The following HYKK variants were observed in gnomAD, a reference collection of about 807,000 sequenced individuals.
The protein encoded by HYKK is 5-hydroxy-L-lysine kinase.
Under a neutral mutation model 29.7 loss-of-function variants are expected in HYKK, and 19 were observed. That is an observed-to-expected ratio of 0.64 (90% CI 0.45 to 0.94). The LOEUF (loss-of-function observed/expected upper bound fraction) is 0.94. HYKK is among the 40% of genes least tolerant of loss of function. The pLI is 0.00. For missense variants in HYKK, 390 were observed against 443.4 expected (o/e 0.88, Z 1.08); for synonymous variants, 152 against 158.1 (o/e 0.96, Z 0.29).
intron 4 of HYKK, among the ~76,000 whole-genome samples, chr15:78,529,847 A>AT (rs35773115): frequency 0.32 from 47,621 of 150,444 alleles, 8,484 homozygotes; most frequent in Non-Finnish European, 0.42. Flanking sequence ...ATAATTCTAA[A>AT]TTTTTTTTTT....
intron 3 of HYKK, among the ~76,000 whole-genome samples, chr15:78,524,356 C>T (rs1480286331): frequency 2.6e-5 from 4 of 152,238 alleles, no homozygotes; most frequent in Non-Finnish European, 4.4e-5. Flanking sequence ...TACCATACCC[C>T]TTTGATCCAT....
chr15:78,511,333 A>T (rs1190204773), intron 1 of HYKK, among the ~76,000 whole-genome samples: 1 of 152,156 alleles, frequency 6.6e-6, no homozygotes. Flanking sequence ...ATGTAGCTGG[A>T]TGCTCAGAAA....
At chr15:78,532,799 T>G (rs1946993637) in intron 4 of HYKK, among the ~76,000 whole-genome samples, 1 of 152,054 alleles carries the variant, frequency 6.6e-6, no homozygotes, top group Non-Finnish European at 1.5e-5. Flanking sequence ...TCTCAAAGAA[T>G]AAAAATTTAA....
Position 78,535,406 on chromosome 15 carries a change from G to A in HYKK, c.*1736G>A, listed in dbSNP as rs1405174483. On this transcript the variant is annotated 3_prime_UTR_variant, in exon 5 of 5. Coordinates refer to ENST00000388988, the MANE Select transcript of HYKK (RefSeq NM_001013619.4). The stretch of plus-strand genomic sequence containing the variant: ...CCCTAGTAGCTGGGACTTCAGGCAT[G>A]TGCCACCATGTCTGGCTAATTCTTT... 2 of 150,964 alleles carry A rather than the reference G, an allele frequency of 1.3e-5. No individual in the cohort carries two copies. The highest frequency in any genetic ancestry group is 2.4e-5 in the African/African-American group (1 of 41,044). 9.4% of individuals were successfully genotyped at this position (150,964 alleles called of 1,614,324 possible). A position where few individuals can be genotyped will look rare whatever the true frequency, so the allele number is the denominator to read the frequency against.
Position 78,527,447 on chromosome 15 carries a change from C to T in HYKK, c.545C>T (p.Pro182Leu). Residue 182 changes from proline (P) to leucine (L), a missense_variant, in exon 4 of 5, where the codon CCT becomes CTT. Coordinates refer to ENST00000388988, the MANE Select transcript of HYKK (RefSeq NM_001013619.4). ...TTCATCTGGAATCTGAAAAATGTTCCTCTTCTGGAGAAATACCTGTATGCC... is the reference window on the plus strand; with the variant it reads ...TTCATCTGGAATCTGAAAAATGTTCTTCTTCTGGAGAAATACCTGTATGCC... ...ENFIWNLKNV[P>L]LLEKYLYALG... The T allele has an allele frequency of 6.2e-7, 1 of 1,613,984 alleles. No individual in the cohort carries two copies. Among genetic ancestry groups the T allele is most frequent in the Non-Finnish European group, 8.5e-7 (1 of 1,179,886 alleles).
At chr15:78,512,196 A>G (rs1195555086) in intron 1 of HYKK, among the ~76,000 whole-genome samples, 1 of 152,104 alleles carries the variant, frequency 6.6e-6, no homozygotes, top group African/African-American at 2.4e-5. Flanking sequence ...CTCACACAAT[A>G]CTTAGCTCAT....
chr15:78,513,035 T>A, intron 1 of HYKK, 49 bp from the exon 2 acceptor site: 1 of 941,048 alleles, frequency 1.1e-6, no homozygotes, highest in Non-Finnish European at 1.7e-6. Context: ...TTTAAATAAA[T>A]ATATTCATCC....
chr15:78,520,321 G>A (rs902442494), intron 3 of HYKK, among the ~76,000 whole-genome samples: 3 of 151,926 alleles, frequency 2.0e-5, no homozygotes, highest in Non-Finnish European at 4.4e-5. Flanking sequence ...CAATAGTGGA[G>A]GGAAGGTCAG....
chr15:78,521,758 A>C (rs1187048963), intron 3 of HYKK, among the ~76,000 whole-genome samples: 1 of 152,118 alleles, frequency 6.6e-6, no homozygotes, highest in African/African-American at 2.4e-5. Context: ...CTATCTAAGG[A>C]AACTAAAATC....
chr15:78,510,245 C>G (rs1301901032), intron 1 of HYKK, among the ~76,000 whole-genome samples: 1 of 151,908 alleles, frequency 6.6e-6, no homozygotes, highest in Non-Finnish European at 1.5e-5. Context: ...TGAAGTGACG[C>G]AGTCTCATCT....
intron 4 of HYKK, among the ~76,000 whole-genome samples, chr15:78,532,498 T>G (rs2052322039): frequency 6.6e-6 from 1 of 152,186 alleles, no homozygotes; most frequent in South Asian, 2.1e-4. Context: ...AAATTTTGTT[T>G]AAAATCCTAG....
chr15:78,527,538 G>A lies in HYKK; in HGVS notation c.636G>A (p.Met212Ile). ...TTCATCTGTTCAAGGAGGAAGTAAT[G>A]ACCAAATTAAGTCATTTTCGAGAAT... ...HVIHLFKEEVMTKLSHFRECI... is the reference protein window; with the variant it reads ...HVIHLFKEEVITKLSHFRECI... The change falls in exon 4 of 5, where the codon ATG (methionine) becomes ATA (isoleucine). Residue 212 changes from methionine (M) to isoleucine (I), a missense_variant. Coordinates refer to ENST00000388988, the MANE Select transcript of HYKK (RefSeq NM_001013619.4). 1.9e-6 allele frequency: 3 copies of A among 1,613,986 alleles called. No individual in the cohort carries two copies. The highest frequency in any genetic ancestry group is 2.5e-6 in the Non-Finnish European group (3 of 1,179,984).
chr15:78,523,319 G>A (rs925843649), intron 3 of HYKK, among the ~76,000 whole-genome samples: 15 of 152,070 alleles, frequency 9.9e-5, no homozygotes, highest in African/African-American at 3.1e-4. Context: ...AGAGCAAGCC[G>A]GGGGTGCTGC....
Position 78,533,970 on chromosome 15 carries a change from C to A in HYKK, c.*300C>A. ...ATAATCTCACAAGATCTATTCCTGC[C>A]CTGAGATTAATGACTATTTTAATTT... On this transcript the variant is annotated 3_prime_UTR_variant, in exon 5 of 5. Coordinates refer to ENST00000388988, the MANE Select transcript of HYKK (RefSeq NM_001013619.4). 3.5e-6 allele frequency: 1 copy of A among 285,240 alleles called. No individual in the cohort carries two copies. The highest frequency in any genetic ancestry group is 7.2e-5 in the South Asian group (1 of 13,986). The allele number at this position is 285,240 out of a possible 1,614,324, so 17.7% of individuals were successfully genotyped here.
At chr15:78,518,525 G>T (rs186957064) in intron 3 of HYKK, 2 of 452,166 alleles carry the variant, frequency 4.4e-6, no homozygotes. Flanking sequence ...ATTGCCTAAC[G>T]TCTAATAACT....
At chr15:78,528,520 T>C in intron 4 of HYKK, 1 of 985,390 alleles carries the variant, frequency 1.0e-6, no homozygotes, top group Non-Finnish European at 1.2e-6. Context: ...GGCAAGGAAC[T>C]GGCTGGGTGT....
downstream of HYKK, chr15:78,537,281 T>A (rs1031153799): frequency 1.6e-6 from 1 of 641,874 alleles, no homozygotes; most frequent in Non-Finnish European, 2.9e-6. Flanking sequence ...ATTAAATATT[T>A]ATTTTACTTT....
chr15:78,530,155 T>C (rs1488142083), intron 4 of HYKK, among the ~76,000 whole-genome samples: 3 of 151,522 alleles, frequency 2.0e-5, no homozygotes, highest in Non-Finnish European at 4.4e-5. Context: ...TACAGCTTTA[T>C]TGAGATATAG....
intron 3 of HYKK, among the ~76,000 whole-genome samples, chr15:78,523,462 A>T (rs188680113): frequency 5.3e-4 from 81 of 152,276 alleles, no homozygotes; most frequent in African/African-American, 1.9e-3. Flanking sequence ...CACCTCCAAT[A>T]CTGGGGATTA....
Sources: allele counts gnomAD v4.1 joint callset (sites outside exome capture counted in the v4.1 genomes callset), GRCh38; gene constraint gnomAD v4.1.1; transcripts MANE v1.5; gene names NCBI Gene and HGNC (gene_info 2026-07-23, HGNC 2026-07-21).